The following USP32 variants were observed in gnomAD, a reference collection of about 807,000 sequenced individuals.
USP32 encodes the protein ubiquitin carboxyl-terminal hydrolase 32.
Under a neutral mutation model 204.8 loss-of-function variants are expected in USP32, and 59 were observed. That is an observed-to-expected ratio of 0.29 (90% confidence interval 0.23 to 0.36). The LOEUF (loss-of-function observed/expected upper bound fraction) is 0.36. USP32 is among the 10% of genes least tolerant of loss of function. USP32 has a pLI of 1.00. For missense variants in USP32, 1,160 were observed against 1,946.4 expected (o/e 0.60, Z 7.60); for synonymous variants, 517 against 678.4 (o/e 0.76, Z 3.70).
At position 60,319,548 on chromosome 17, in the gene USP32, C is replaced by T. The variant is rs528955810; in HGVS notation, c.187-17844G>A. On this transcript the variant is annotated intron_variant, in intron 2 of 33. Transcript: ENST00000300896. ...ATCCCAGCACTCTGGGAGGCTGAGGCGGGCAGATTGCTTGAGCCCAGGAGT... is the reference window on the plus strand; with the variant it reads ...ATCCCAGCACTCTGGGAGGCTGAGGTGGGCAGATTGCTTGAGCCCAGGAGT... 3.3e-4 allele frequency among the ~76,000 whole-genome samples: 50 copies of T among 152,270 alleles called. 1 individual carries two copies. In the South Asian group the frequency reaches 1.0e-2, roughly 30 times the overall value.
At chr17:60,393,448 A>G (rs1309533536), upstream of USP32, among the ~76,000 whole-genome samples, 4 of 152,222 alleles carry the variant, frequency 2.6e-5, no homozygotes, top group Non-Finnish European at 5.9e-5. Context: ...GTATATGTAC[A>G]GTGGAATTAT....
intron 1 of USP32, among the ~76,000 whole-genome samples, chr17:60,355,818 A>G (rs1405918979): frequency 7.1e-6 from 1 of 141,562 alleles, no homozygotes; most frequent in East Asian, 2.1e-4. Context: ...GCTGAGTGAC[A>G]GCTCACTCTC....
chr17:60,180,601 T>C lies in USP32; in HGVS notation c.4585A>G (p.Thr1529Ala). The change falls in exon 33 of 34, where the codon ACT becomes GCT. Residue 1529 changes from threonine (T) to alanine (A), a missense_variant. By Grantham distance (58) the Thr-to-Ala change is moderately conservative. Coordinates refer to ENST00000300896, the MANE Select transcript of USP32 (RefSeq NM_032582.4). Reference protein sequence around the residue: ...SGILGGGHYVTYAKNPNCKWY... With the variant: ...SGILGGGHYVAYAKNPNCKWY... ...TTGCAGTTTGGGTTTTTGGCATAAGTGACGTAATGGCCCCCACCCAGAATT... is the reference window on the plus strand; with the variant it reads ...TTGCAGTTTGGGTTTTTGGCATAAGCGACGTAATGGCCCCCACCCAGAATT... 2 of 1,613,738 alleles carry C rather than the reference T, an allele frequency of 1.2e-6. No homozygotes were observed. The highest frequency in any genetic ancestry group is 1.1e-5 in the South Asian group (1 of 91,056).
intron 9 of USP32, among the ~76,000 whole-genome samples, chr17:60,262,166 T>C (rs2086469072): frequency 6.6e-6 from 1 of 152,134 alleles, no homozygotes; most frequent in African/African-American, 2.4e-5. Flanking sequence ...CTATATGGCT[T>C]ATTTATTTTG....
rs774730299 is a variant in USP32 at position 60,212,136 on chromosome 17, A to G, written c.2105-38T>C. The G allele has an allele frequency of 6.0e-6, 9 of 1,504,860 alleles. No homozygotes were observed. In the South Asian group the frequency reaches 1.1e-4, roughly 18 times the overall value. The allele number at this position is 1,504,860 out of a possible 1,614,324, so 93.2% of individuals were successfully genotyped here. On this transcript the variant is annotated intron_variant, in intron 18 of 33. Transcript: ENST00000300896. Reference sequence around the variant, plus strand: ...ATAGGAATGTGTTAATTTCTTATCTATCTAATTTATACCCATTCGATTGCT... The same window carrying G: ...ATAGGAATGTGTTAATTTCTTATCTGTCTAATTTATACCCATTCGATTGCT...
In USP32 at chr17:60,222,433, T is replaced by C. The variant is rs2085275823; in HGVS notation, c.1725A>G (p.Gly575=). 4 of 1,614,138 alleles carry C rather than the reference T, an allele frequency of 2.5e-6. No individual in the cohort carries two copies. Among genetic ancestry groups the C allele is most frequent in the Non-Finnish European group, 3.4e-6 (4 of 1,180,000 alleles). ...PVWRALYHWY[G]ANLALPRPVI... ...CTGGTCTAGGTAAGGCCAGGTTTGC[T>C]CCATACCAGTGATAAAGTGCTCTCC... Residue 575 remains glycine, a synonymous_variant, in exon 15 of 34, where the codon GGA becomes GGG. Coordinates refer to ENST00000300896, the MANE Select transcript of USP32 (RefSeq NM_032582.4).
intron 1 of USP32, among the ~76,000 whole-genome samples, chr17:60,406,725 A>C (rs2089979073): frequency 6.6e-6 from 1 of 151,896 alleles, no homozygotes; most frequent in African/African-American, 2.4e-5. Context: ...CATGTTGATC[A>C]AGCTGGTCTT....
At chr17:60,389,172 C>T (rs1030408673) in intron 1 of USP32, among the ~76,000 whole-genome samples, 5 of 152,078 alleles carry the variant, frequency 3.3e-5, no homozygotes, top group South Asian at 2.1e-4. Context: ...GTAGATGAAA[C>T]CAATGAATGC....
At chr17:60,231,240 C>T (rs1228849119) in intron 12 of USP32, among the ~76,000 whole-genome samples, 1 of 152,096 alleles carries the variant, frequency 6.6e-6, no homozygotes, top group Non-Finnish European at 1.5e-5. Context: ...ATGCCCTGTA[C>T]ATAGGTATGT....
At chr17:60,247,512 T>C (rs778158092) in intron 11 of USP32, among the ~76,000 whole-genome samples, 4 of 152,256 alleles carry the variant, frequency 2.6e-5, no homozygotes, top group East Asian at 1.9e-4. Context: ...TTTTAGTGTA[T>C]GGTAAGAAAT....
rs2084005612 is a variant in USP32, at chr17:60,177,882, A to C, written c.*1373T>G. On this transcript the variant is annotated 3_prime_UTR_variant, in exon 34 of 34. Coordinates refer to ENST00000300896, the MANE Select transcript of USP32 (RefSeq NM_032582.4). ...TAGTGGAATCTGACAATTAATGAGA[A>C]TCAACTTGCAGGGTCTAAATGAATA... 6.6e-6 allele frequency among the ~76,000 whole-genome samples: 1 copy of C among 152,214 alleles called. No homozygotes were observed. The highest frequency in any genetic ancestry group is 2.4e-5 in the African/African-American group (1 of 41,460).
intron 1 of USP32, among the ~76,000 whole-genome samples, chr17:60,403,439 T>C (rs1479592872): frequency 1.3e-5 from 2 of 152,180 alleles, no homozygotes; most frequent in African/African-American, 4.8e-5. Flanking sequence ...TCCAGAAATG[T>C]TGTCATGCCA....
At chr17:60,316,432 G>T (rs1010025328) in intron 2 of USP32, among the ~76,000 whole-genome samples, 1 of 151,994 alleles carries the variant, frequency 6.6e-6, no homozygotes, top group Non-Finnish European at 1.5e-5. Flanking sequence ...TATAAATATG[G>T]GTATGTAAAG....
chr17:60,348,847 TTCATGG>T (rs1247791110), intron 1 of USP32, among the ~76,000 whole-genome samples: 1 of 151,160 alleles, frequency 6.6e-6, no homozygotes, highest in African/African-American at 2.4e-5. Context: ...GAAGGGGGGG[TTCATGG>T]TTCAGCAACA....
chr17:60,186,034 C>G (rs892887880), intron 29 of USP32: 5 of 161,838 alleles, frequency 3.1e-5, no homozygotes, highest in Non-Finnish European at 5.4e-5. Context: ...GCCTGGATGA[C>G]AGAGAGAGAC....
intron 2 of USP32, among the ~76,000 whole-genome samples, chr17:60,324,283 A>AATATATAT (rs138904415): frequency 8.5e-4 from 125 of 146,526 alleles, no homozygotes; most frequent in African/African-American, 2.8e-3. Flanking sequence ...CCGTGTTTCA[A>AATATATAT]ATATATATAT....
At chr17:60,180,487 T>C (rs1237387008) in intron 33 of USP32, 58 bp downstream of exon 33, 1 of 1,535,108 alleles carries the variant, frequency 6.5e-7, no homozygotes, top group African/African-American at 1.4e-5. Context: ...CAACAAATGT[T>C]CCCCAGTTCT....
chr17:60,395,654 T>TTAC (rs2089895505), upstream of USP32, among the ~76,000 whole-genome samples: 1 of 152,214 alleles, frequency 6.6e-6, no homozygotes, highest in Non-Finnish European at 1.5e-5. Context: ...CCACCTCACT[T>TTAC]TTAAGTAGTC....
At chr17:60,404,552 G>A (rs977865736) in intron 1 of USP32, among the ~76,000 whole-genome samples, 1 of 152,160 alleles carries the variant, frequency 6.6e-6, no homozygotes, top group African/African-American at 2.4e-5. Context: ...GTCTTTGAGA[G>A]AGGAGATTTG....
Sources: gnomAD v4.1 joint callset for allele counts (sites outside exome capture counted in the v4.1 genomes callset) on GRCh38, gnomAD v4.1.1 for gene constraint, MANE v1.5 for transcripts, NCBI Gene and HGNC (gene_info 2026-07-23, HGNC 2026-07-21) for gene names.